The following MSN variants were observed in gnomAD, a reference collection of about 807,000 sequenced individuals.
The protein encoded by MSN is epididymis luminal protein 70.
A neutral mutation model predicts 48.0 loss-of-function variants in MSN; 2 were observed. The ratio of observed to expected loss-of-function variants is 0.04; its 90% CI spans 0.02 to 0.13. The LOEUF is 0.13. Among genes scored for constraint, MSN ranks in the 10% least tolerant of loss-of-function variants. The pLI, the probability that MSN is intolerant of heterozygous loss-of-function variation, is 1.00. For synonymous variants in MSN, 146 were observed against 166.9 expected (o/e 0.87, Z 0.97); for missense variants, 267 against 470.1 (o/e 0.57, Z 3.99).
intron 12 of MSN, among the ~76,000 whole-genome samples, chrX:65,739,493 G>T (rs2071713979): frequency 2.7e-5 from 3 of 111,483 alleles, no homozygotes; most frequent in South Asian, 7.6e-4. Flanking sequence ...TTTGTATGTT[G>T]TTCTACTCTT....
intron 1 of MSN, among the ~76,000 whole-genome samples, chrX:65,660,814 C>G (rs1427099764): frequency 1.8e-5 from 2 of 111,076 alleles, no homozygotes; most frequent in Non-Finnish European, 3.8e-5. Flanking sequence ...ATCCGCCCAC[C>G]TCGGCCTCCC....
chrX:65,633,363 T>C (rs978072152), intron 1 of MSN, among the ~76,000 whole-genome samples: 32 of 111,870 alleles, frequency 2.9e-4, no homozygotes, highest in African/African-American at 1.0e-3. Flanking sequence ...AGGGCTTCTG[T>C]TATAAAAAGC....
chrX:65,715,704 A>G (rs1309692732), intron 1 of MSN, among the ~76,000 whole-genome samples: 1 of 111,792 alleles, frequency 8.9e-6, no homozygotes, highest in African/African-American at 3.3e-5. Flanking sequence ...GAAGTTATTT[A>G]TCAGATTAAG....
chrX:65,630,510 G>C (rs1437021586), intron 1 of MSN, among the ~76,000 whole-genome samples: 1 of 111,277 alleles, frequency 9.0e-6, no homozygotes, highest in Non-Finnish European at 1.9e-5. Flanking sequence ...GATCTTTTGA[G>C]CCCAGGGGCT....
In MSN at chrX:65,639,767, G is replaced by A. The variant is rs184301102; in HGVS notation, c.-22+51155G>A. Among the ~76,000 whole-genome samples, 46 of 111,798 alleles carry A rather than the reference G, an allele frequency of 4.1e-4. No individual in the cohort carries two copies. In the East Asian group the frequency reaches 0.011, roughly 27 times the overall value. ...AGGCAGTCCCTTACTATTTGATGTC[G>A]GAGGGAGTAGAAATTTAAGAGCTTC... On this transcript the variant is annotated intron_variant, in intron 1 of 3. Transcript: ENST00000609672.
chrX:65,694,333 T>C (rs1183384653), intron 1 of MSN, among the ~76,000 whole-genome samples: 1 of 102,123 alleles, frequency 9.8e-6, no homozygotes, highest in Non-Finnish European at 2.0e-5. Context: ...CTCTTTAAGA[T>C]TTTTTTTTTT....
At position 65,689,100 on chromosome X, in the gene MSN, G is replaced by A. The variant is rs891703327; in HGVS notation, c.12+21247G>A. Reference sequence around the variant, plus strand: ...TAGTTGAAGAGCTGTTGTTTATGCTGGGCCTTGCTGTTAGCTTTCCAGAGC... The same window carrying A: ...TAGTTGAAGAGCTGTTGTTTATGCTAGGCCTTGCTGTTAGCTTTCCAGAGC... On this transcript the variant is annotated intron_variant, in intron 1 of 12. Coordinates refer to ENST00000360270, the MANE Select transcript of MSN (RefSeq NM_002444.3). 2.7e-5 allele frequency among the ~76,000 whole-genome samples: 3 copies of A among 111,598 alleles called. No individual in the cohort carries two copies. In the Admixed American group the frequency reaches 2.9e-4, roughly 11 times the overall value.
intron 1 of MSN, among the ~76,000 whole-genome samples, chrX:65,594,313 T>C (rs2070170571): frequency 1.8e-5 from 2 of 111,131 alleles, no homozygotes; most frequent in South Asian, 7.6e-4. Context: ...TCAATCTTTG[T>C]CAACTCATTA....
intron 1 of MSN, among the ~76,000 whole-genome samples, chrX:65,623,766 C>T (rs980661867): frequency 2.8e-5 from 3 of 107,062 alleles, no homozygotes; most frequent in East Asian, 2.9e-4. Flanking sequence ...GAGCCAAAAT[C>T]GTGCCATTGC....
chrX:65,740,802 C>T lies in MSN; in HGVS notation c.*909C>T. ...CAGTAGGGATGAGTACCCAAAAGCT[C>T]AGCCAGCCCCATCAGGACTCTTGTG... On this transcript the variant is annotated 3_prime_UTR_variant, in exon 13 of 13. Coordinates refer to ENST00000360270, the MANE Select transcript of MSN (RefSeq NM_002444.3). 1 of 173,672 alleles carries T rather than the reference C, an allele frequency of 5.8e-6. No homozygotes were observed. The highest frequency in any genetic ancestry group is 1.1e-5 in the Non-Finnish European group (1 of 90,429). The allele number at this position is 173,672 out of a possible 1,213,427, so 14.3% of individuals were successfully genotyped here. A position where few individuals can be genotyped will look rare whatever the true frequency, so the allele number is the denominator to read the frequency against.
rs771735241 is a variant in MSN, at chrX:65,636,975, C to T, written c.-22+48363C>T. Among the ~76,000 whole-genome samples, 9 of 100,719 alleles carry T rather than the reference C, an allele frequency of 8.9e-5. No homozygotes were observed. In the South Asian group the frequency reaches 2.3e-3, roughly 26 times the overall value. The allele number at this position is 100,719 out of a possible 115,157, so 87.5% of individuals were successfully genotyped here. A position where few individuals can be genotyped will look rare whatever the true frequency, so the allele number is the denominator to read the frequency against. On this transcript the variant is annotated intron_variant, in intron 1 of 3. Coordinates refer to the MSN transcript ENST00000609672. ...GGCATGGTGGTGGGCACCTGTAGTC[C>T]GCTACTCGGGAGGCTGAGGCAGGAG...
intron 1 of MSN, among the ~76,000 whole-genome samples, chrX:65,635,501 C>T (rs971008469): frequency 2.7e-5 from 3 of 111,857 alleles, no homozygotes; most frequent in Admixed American, 1.9e-4. Flanking sequence ...TTTATTCAGT[C>T]AGGGGACGGA....
At chrX:65,615,686 C>G (rs1418318300) in intron 1 of MSN, among the ~76,000 whole-genome samples, 9 of 106,164 alleles carry the variant, frequency 8.5e-5, no homozygotes, top group Non-Finnish European at 1.4e-4. Context: ...GTTTCTTTTG[C>G]TGTGCAGAAG....
intron 1 of MSN, among the ~76,000 whole-genome samples, chrX:65,630,607 GCAAA>G (rs1184568245): frequency 9.1e-6 from 1 of 110,158 alleles, no homozygotes; most frequent in Non-Finnish European, 1.9e-5. Context: ...AACAAAACAA[GCAAA>G]CAAACAAAAA....
intron 1 of MSN, among the ~76,000 whole-genome samples, chrX:65,697,392 T>G (rs763562316): frequency 1.8e-5 from 2 of 111,600 alleles, no homozygotes; most frequent in South Asian, 3.7e-4. Flanking sequence ...TTCAGCCACA[T>G]TCTTTGCTAT....
chrX:65,667,099 G>A (rs1257439658), upstream of MSN, among the ~76,000 whole-genome samples: 1 of 111,760 alleles, frequency 8.9e-6, no homozygotes, highest in Non-Finnish European at 1.9e-5. Context: ...TTTAAGAGGT[G>A]AGGCAGTTTA....
intron 1 of MSN, among the ~76,000 whole-genome samples, chrX:65,600,228 T>C (rs1273666071): frequency 9.0e-6 from 1 of 111,251 alleles, no homozygotes; most frequent in Non-Finnish European, 1.9e-5. Flanking sequence ...AGTGTGTGTG[T>C]CTTTTTAAAA....
chrX:65,620,920 T>C (rs2070436838), intron 1 of MSN, among the ~76,000 whole-genome samples: 1 of 107,946 alleles, frequency 9.3e-6, no homozygotes, highest in African/African-American at 3.4e-5. Flanking sequence ...TTTTGGTTGA[T>C]ACTTCTCTGT....
chrX:65,731,707 C>A, intron 5 of MSN, 131 bp from the exon 6 acceptor site: 2 of 722,016 alleles, frequency 2.8e-6, no homozygotes, highest in Non-Finnish European at 4.1e-6. Flanking sequence ...CCATCATCTG[C>A]TTGCCTTTTG....
Sources: gnomAD v4.1 joint callset for allele counts (sites outside exome capture counted in the v4.1 genomes callset) on GRCh38, gnomAD v4.1.1 for gene constraint, MANE v1.5 for transcripts, NCBI Gene and HGNC (gene_info 2026-07-23, HGNC 2026-07-21) for gene names.